LGSN: variants seen among roughly 807,000 people sequenced by gnomAD.
LGSN encodes the protein lengsin, lens protein with glutamine synthetase domain.
Under a neutral mutation model 19.5 loss-of-function variants are expected in LGSN, and 21 were observed. The observed-to-expected ratio is 1.07, with a 90% confidence interval of 0.76 to 1.55. The LOEUF (loss-of-function observed/expected upper bound fraction) is 1.55. LGSN is among the 40% of genes most tolerant of loss of function. The probability of loss-of-function intolerance (pLI) is 0.00; values close to 1 mark genes in which losing one functional copy is unlikely to be tolerated. For synonymous variants in LGSN, 257 were observed against 215.6 expected (o/e 1.19, Z -1.68); for missense variants, 673 against 608.5 (o/e 1.11, Z -1.12).
chr6:63,542,731 T>C, the LGSN span, among the ~76,000 whole-genome samples: 3 of 152,174 alleles, frequency 2.0e-5, no homozygotes, highest in Non-Finnish European at 2.9e-5. Context: ...GAAATCTCCT[T>C]TGCCAACCTC....
the LGSN span, among the ~76,000 whole-genome samples, chr6:63,544,026 T>C: frequency 6.6e-6 from 1 of 152,176 alleles, no homozygotes; most frequent in African/African-American, 2.4e-5. Flanking sequence ...TTCACCACAT[T>C]GTAATTCTCC....
the LGSN span, among the ~76,000 whole-genome samples, chr6:63,554,114 C>G: frequency 3.5e-4 from 53 of 152,220 alleles, no homozygotes; most frequent in African/African-American, 1.2e-3. Context: ...CACAAATATT[C>G]AAAGTAACAG....
the LGSN span, among the ~76,000 whole-genome samples, chr6:63,541,478 C>A: frequency 6.6e-6 from 1 of 151,914 alleles, no homozygotes; most frequent in Non-Finnish European, 1.5e-5. Flanking sequence ...GCCTGAACCC[C>A]GGAGGCAGAG....
chr6:63,310,922 T>C (rs1723524), intron 1 of LGSN, among the ~76,000 whole-genome samples: 7,981 of 152,266 alleles, frequency 0.052, 698 homozygotes, highest in African/African-American at 0.18. Context: ...TCTGCTAAAG[T>C]GTTGGCTAAC....
chr6:63,454,793 C>CTTTTTTTTTTTTT, the LGSN span, among the ~76,000 whole-genome samples: 5 of 91,740 alleles, frequency 5.5e-5, 1 homozygote, highest in Non-Finnish European at 7.9e-5. Context: ...TTTTCTTTTT[C>CTTTTTTTTTTTTT]TTTTTTTTTT....
the LGSN span, among the ~76,000 whole-genome samples, chr6:63,458,233 A>G: frequency 6.6e-6 from 1 of 151,816 alleles, no homozygotes; most frequent in South Asian, 2.1e-4. Context: ...ACGCCCGGCT[A>G]ATTTTGTATT....
the LGSN span, among the ~76,000 whole-genome samples, chr6:63,408,677 A>T: frequency 6.6e-6 from 1 of 151,114 alleles, no homozygotes; most frequent in Non-Finnish European, 1.5e-5. Flanking sequence ...AAAAGTGACA[A>T]ATGGGATCTA....
chr6:63,345,833 C>T, the LGSN span, among the ~76,000 whole-genome samples: 1 of 152,138 alleles, frequency 6.6e-6, no homozygotes, highest in East Asian at 1.9e-4. Context: ...ATGGGCCAAC[C>T]AACACTCTTT....
At chr6:63,307,829 C>A (rs186218810) in intron 1 of LGSN, among the ~76,000 whole-genome samples, 1 of 152,254 alleles carries the variant, frequency 6.6e-6, no homozygotes, top group Admixed American at 6.5e-5. Flanking sequence ...GGCACTATTC[C>A]CTTATCTAAG....
the LGSN span, among the ~76,000 whole-genome samples, chr6:63,457,301 T>C: frequency 6.6e-6 from 1 of 151,878 alleles, no homozygotes; most frequent in South Asian, 2.1e-4. Flanking sequence ...GGTCAGGAGT[T>C]CGAGACCAGC....
chr6:63,447,540 A>G, the LGSN span, among the ~76,000 whole-genome samples: 1 of 152,224 alleles, frequency 6.6e-6, no homozygotes, highest in East Asian at 1.9e-4. Context: ...GTAAAGATGA[A>G]AAGTTATGTC....
At chr6:63,406,072 A>G in the LGSN span, among the ~76,000 whole-genome samples, 4 of 152,178 alleles carry the variant, frequency 2.6e-5, no homozygotes, top group Admixed American at 2.6e-4. Flanking sequence ...CCACACAATA[A>G]TAATGGGAGA....
At chr6:63,342,974 C>T in the LGSN span, among the ~76,000 whole-genome samples, 1 of 152,108 alleles carries the variant, frequency 6.6e-6, no homozygotes, top group African/African-American at 2.4e-5. Flanking sequence ...AAAGTTTTTC[C>T]TTGTTGGATC....
At chr6:63,551,189 C>A in the LGSN span, among the ~76,000 whole-genome samples, 3 of 152,064 alleles carry the variant, frequency 2.0e-5, no homozygotes, top group Non-Finnish European at 4.4e-5. Flanking sequence ...CCTCAGCCTC[C>A]CAAATAGCTG....
At chr6:63,378,971 G>T in the LGSN span, among the ~76,000 whole-genome samples, 1 of 152,208 alleles carries the variant, frequency 6.6e-6, no homozygotes, top group Non-Finnish European at 1.5e-5. Context: ...TAAAGGACTG[G>T]ATTTAGAACT....
chr6:63,438,035 C>T, the LGSN span, among the ~76,000 whole-genome samples: 13 of 152,304 alleles, frequency 8.5e-5, no homozygotes, highest in South Asian at 2.7e-3. Flanking sequence ...TTTTTGAAAT[C>T]TCACAGTTCA....
At chr6:63,374,330 TC>T in the LGSN span, among the ~76,000 whole-genome samples, 1 of 152,224 alleles carries the variant, frequency 6.6e-6, no homozygotes, top group South Asian at 2.1e-4. Context: ...ATGATATTTT[TC>T]TGACATTTTC....
the LGSN span, among the ~76,000 whole-genome samples, chr6:63,362,786 C>G: frequency 1.3e-5 from 2 of 152,220 alleles, no homozygotes; most frequent in Admixed American, 6.5e-5. Flanking sequence ...CATAGCTGAA[C>G]AAAAGGCAGC....
At chr6:63,449,161 G>A in the LGSN span, among the ~76,000 whole-genome samples, 1 of 152,080 alleles carries the variant, frequency 6.6e-6, no homozygotes, top group East Asian at 1.9e-4. Flanking sequence ...AGAGACAACT[G>A]TACCTATAAA....
Sources: gnomAD v4.1 joint callset for allele counts (sites outside exome capture counted in the v4.1 genomes callset) on GRCh38, gnomAD v4.1.1 for gene constraint, MANE v1.5 for transcripts, NCBI Gene and HGNC (gene_info 2026-07-23, HGNC 2026-07-21) for gene names.